Variants in WDFY4 observed in about 807,000 individuals in gnomAD.
WDFY4 encodes the protein WD repeat- and FYVE domain-containing protein 4.
Under a neutral mutation model 351.9 loss-of-function variants are expected in WDFY4, and 169 were observed. The ratio of observed to expected loss-of-function variants is 0.48; its 90% confidence interval spans 0.42 to 0.55. The LOEUF (loss-of-function observed/expected upper bound fraction) is 0.55. Ranked by LOEUF, WDFY4 falls within the 20% of genes least tolerant of loss-of-function variation. The pLI is 0.00. For missense variants in WDFY4, 3,803 were observed against 3,935.6 expected, an observed-to-expected ratio of 0.97 and a Z score of 0.90; for synonymous variants, 1,622 against 1,574.6, an observed-to-expected ratio of 1.03 and a Z score of -0.71.
chr10:48,819,176 G>C (rs969310138), intron 32 of WDFY4, among the ~76,000 whole-genome samples: 1 of 152,174 alleles, frequency 6.6e-6, no homozygotes, highest in African/African-American at 2.4e-5. Context: ...AGCTGATCGC[G>C]GGCGAGGTCG....
chr10:48,775,829 G>A (rs2132626224), intron 15 of WDFY4, 23 bp downstream of exon 15: 2 of 1,542,006 alleles, frequency 1.3e-6, no homozygotes, highest in Middle Eastern at 1.7e-4. Flanking sequence ...GCAAGAACGG[G>A]GCAGGTTAAT....
At chr10:48,794,169 A>T (rs2066775978) in intron 23 of WDFY4, among the ~76,000 whole-genome samples, 1 of 152,122 alleles carries the variant, frequency 6.6e-6, no homozygotes, top group African/African-American at 2.4e-5. Flanking sequence ...GAAGGCCGGG[A>T]CAGGGAAACG....
rs114381926 is a variant in WDFY4 at position 48,840,800 on chromosome 10, G to A, written c.6663+8091G>A. 2.6e-3 allele frequency among the ~76,000 whole-genome samples: 401 copies of A among 152,286 alleles called. 5 individuals are homozygous for A. The highest frequency in any genetic ancestry group is 8.8e-3 in the African/African-American group (364 of 41,544). ...TTTTCCATTTTAAGGAGTCTTAAGT[G>A]TCTCTGGTCTATCACAAGTGTCTGT... On this transcript the variant is annotated intron_variant, in intron 39 of 61. Transcript: ENST00000325239.
In WDFY4 at chr10:48,774,558, C is replaced by T; in HGVS notation, c.2654C>T (p.Thr885Ile). 1.9e-6 allele frequency: 3 copies of T among 1,551,566 alleles called. No homozygotes were observed. The highest frequency in any genetic ancestry group is 2.6e-6 in the Non-Finnish European group (3 of 1,146,902). ...ATGTGCGAAGCAGGCTTGCTTGGGA[C>T]CCTCATGGCCTCCTGCCACAGGGCC... ...QVMCEAGLLG[T>I]LMASCHRALV... Residue 885 changes from threonine to isoleucine, a missense_variant, in exon 14 of 62, where the codon ACC becomes ATC. Thr to Ile is a moderately conservative substitution (Grantham distance 89). This residue lies in a region of WDFY4 where 3,054 missense variants were observed against 3,148.6 expected (regional missense o/e 0.97). Coordinates refer to ENST00000325239, the MANE Select transcript of WDFY4 (RefSeq NM_001394531.1).
At chr10:48,936,241 T>G (rs1219944275) in intron 47 of WDFY4, among the ~76,000 whole-genome samples, 1 of 151,680 alleles carries the variant, frequency 6.6e-6, no homozygotes, top group Non-Finnish European at 1.5e-5. Flanking sequence ...ACTATAACAT[T>G]TTTTAATACA....
intron 2 of WDFY4, among the ~76,000 whole-genome samples, chr10:48,711,964 C>T (rs970770436): frequency 6.6e-6 from 1 of 152,238 alleles, no homozygotes; most frequent in Non-Finnish European, 1.5e-5. Context: ...TTTCACCCAA[C>T]CCATATTACT....
intron 2 of WDFY4, among the ~76,000 whole-genome samples, chr10:48,712,575 C>A (rs1355181359): frequency 6.6e-6 from 1 of 152,156 alleles, no homozygotes; most frequent in East Asian, 1.9e-4. Flanking sequence ...ACTAATAAAA[C>A]CCTGCCAGAG....
At chr10:48,705,040 A>G (rs1483401458) in intron 1 of WDFY4, among the ~76,000 whole-genome samples, 1 of 152,108 alleles carries the variant, frequency 6.6e-6, no homozygotes, top group Non-Finnish European at 1.5e-5. Context: ...GTCTAAACCC[A>G]CTGTGTTCAA....
chr10:48,774,804 C>A, intron 14 of WDFY4, 132 bp downstream of exon 14: 1 of 1,195,858 alleles, frequency 8.4e-7, no homozygotes, highest in Non-Finnish European at 1.2e-6. Flanking sequence ...GCATTCAAGG[C>A]TGGAGTCCAT....
intron 36 of WDFY4, among the ~76,000 whole-genome samples, chr10:48,827,346 A>C (rs887906955): frequency 2.0e-5 from 3 of 151,840 alleles, no homozygotes; most frequent in Non-Finnish European, 2.9e-5. Context: ...ATATGCATAC[A>C]ATGTATGACA....
At chr10:48,954,276 C>T (rs1480161899) in intron 51 of WDFY4, among the ~76,000 whole-genome samples, 1 of 152,234 alleles carries the variant, frequency 6.6e-6, no homozygotes, top group Non-Finnish European at 1.5e-5. Flanking sequence ...TTGGCTGGCT[C>T]CATTGTCTTC....
intron 12 of WDFY4, among the ~76,000 whole-genome samples, chr10:48,747,076 T>C (rs2065037186): frequency 6.6e-6 from 1 of 152,248 alleles, no homozygotes; most frequent in South Asian, 2.1e-4. Flanking sequence ...GTAAACTCTC[T>C]TGGATTTTAT....
rs1322951141 is a variant in WDFY4, at chr10:48,734,802, A to C, written c.1687+767A>C. Among the ~76,000 whole-genome samples the C allele has an allele frequency of 2.7e-5, 4 of 149,748 alleles. No homozygotes were observed. The East Asian group carries it at 7.8e-4, about 29-fold the overall frequency. ...TACTTTTTTTTTTTTTTTGAGGCAG[A>C]GTCTCACTCTGTCACCAGGCTGGAG... On this transcript the variant is annotated intron_variant, in intron 10 of 61. Transcript: ENST00000325239.
chr10:48,951,244 G>GTA (rs1010284460), intron 51 of WDFY4, among the ~76,000 whole-genome samples: 1 of 152,110 alleles, frequency 6.6e-6, no homozygotes. Flanking sequence ...AGAAAATATG[G>GTA]TATATATATG....
At chr10:48,959,907 C>A in intron 53 of WDFY4, 94 bp downstream of exon 53, 1 of 1,165,636 alleles carries the variant, frequency 8.6e-7, no homozygotes, top group Non-Finnish European at 1.2e-6. Context: ...GGGCCAGTGA[C>A]CAGCACTGTG....
intron 58 of WDFY4, among the ~76,000 whole-genome samples, chr10:48,975,547 C>G (rs1196515764): frequency 1.3e-5 from 2 of 152,160 alleles, no homozygotes; most frequent in Admixed American, 6.5e-5. Flanking sequence ...CATCTGCTCA[C>G]AGAAAACCTA....
Position 48,972,667 on chromosome 10 carries a change from T to G in WDFY4, c.8929-2195T>G, listed in dbSNP as rs78394371. On this transcript the variant is annotated intron_variant, in intron 57 of 61. Transcript: ENST00000325239. ...ACATAGTGCTGCAGAAAACATCTTA[T>G]CTAGGTTGCTGTTTGCTTCTGATTG... Among the ~76,000 whole-genome samples, 1,033 of 152,334 alleles carry G rather than the reference T, an allele frequency of 6.8e-3. 15 individuals are homozygous for G. Among genetic ancestry groups the G allele is most frequent in the African/African-American group, 0.023 (969 of 41,568 alleles).
chr10:48,691,508 C>A (rs1024341774), intron 1 of WDFY4, among the ~76,000 whole-genome samples: 3 of 152,196 alleles, frequency 2.0e-5, no homozygotes, highest in African/African-American at 7.2e-5. Flanking sequence ...ATCATGGCAG[C>A]CCCCAGCGTA....
chr10:48,897,042 G>T (rs1837112749), intron 44 of WDFY4, among the ~76,000 whole-genome samples: 1 of 152,110 alleles, frequency 6.6e-6, no homozygotes, highest in Non-Finnish European at 1.5e-5. Context: ...GGGCTCCTGG[G>T]CATGGTTTAC....
Sources: allele counts gnomAD v4.1 joint callset (sites outside exome capture counted in the v4.1 genomes callset), GRCh38; gene constraint gnomAD v4.1.1; regional missense constraint gnomAD v4.1.1; transcripts MANE v1.5; gene names NCBI Gene and HGNC (gene_info 2026-07-23, HGNC 2026-07-21).